Variants in TP53RK observed in about 807,000 individuals in gnomAD.
TP53RK encodes the protein EKC/KEOPS complex subunit TP53RK.
In TP53RK, 17 loss-of-function variants were observed where a neutral mutation model predicts 14.9. That is an observed-to-expected ratio of 1.14 (90% CI 0.78 to 1.71). The LOEUF (loss-of-function observed/expected upper bound fraction) is 1.71, where lower values mean the gene tolerates loss of function less well. Among genes scored for constraint, TP53RK ranks in the 40% most tolerant of loss-of-function variants. The probability of loss-of-function intolerance (pLI) is 0.00; values close to 1 mark genes in which losing one functional copy is unlikely to be tolerated. For synonymous variants in TP53RK, 131 were observed against 138.0 expected, an observed-to-expected ratio of 0.95 and a Z score of 0.36; for missense variants, 343 against 332.0, an observed-to-expected ratio of 1.03 and a Z score of -0.26.
At chr20:46,687,641 C>T (rs901420948) in intron 1 of TP53RK, among the ~76,000 whole-genome samples, 2 of 150,898 alleles carry the variant, frequency 1.3e-5, no homozygotes, top group African/African-American at 5.0e-5. Context: ...ACTAAAAATA[C>T]AAAAATTAGC....
intron 1 of TP53RK, among the ~76,000 whole-genome samples, chr20:46,687,942 T>C (rs960503157): frequency 6.6e-6 from 1 of 152,236 alleles, no homozygotes; most frequent in Admixed American, 6.5e-5. Flanking sequence ...CAGCTGCTTT[T>C]CTTATTAGTT....
chr20:46,687,968 A>T (rs1414705094), intron 1 of TP53RK, among the ~76,000 whole-genome samples: 1 of 152,212 alleles, frequency 6.6e-6, no homozygotes, highest in Admixed American at 6.5e-5. Context: ...ATCTAATCTT[A>T]AAATTACATT....
rs199996058 is a variant in TP53RK at position 46,686,374 on chromosome 20, CAAAAAA to C, written c.*373_*378del. On this transcript the variant is annotated 3_prime_UTR_variant, in exon 2 of 2. Transcript: ENST00000372114. ...AAATATAACATGTACACAACAACAA[CAAAAAA>C]AAACACTGGGTTAGAGGGCCAGTAA... The C allele has an allele frequency of 5.3e-6, 1 of 189,192 alleles. No individual in the cohort carries two copies. Among genetic ancestry groups the C allele is most frequent in the Admixed American group, 5.5e-5 (1 of 18,230 alleles). The allele number at this position is 189,192 out of a possible 1,614,324, so 11.7% of individuals were successfully genotyped here. A position where few individuals can be genotyped will look rare whatever the true frequency, so the allele number is the denominator to read the frequency against.
In TP53RK at chr20:46,686,592, T is replaced by C. The variant is rs1390545753; in HGVS notation, c.*161A>G. The C allele has an allele frequency of 2.4e-5, 16 of 672,172 alleles. No individual in the cohort carries two copies. In the East Asian group the frequency reaches 3.4e-4, roughly 14 times the overall value. The allele number at this position is 672,172 out of a possible 1,614,324, so 41.6% of individuals were successfully genotyped here. On this transcript the variant is annotated 3_prime_UTR_variant, in exon 2 of 2. Transcript: ENST00000372114. ...CTGCCTAGAACATGACTTAGACACA[T>C]AGTAAGCTCTTGAGTGAAGTGCAGA...
rs1370344648 is a variant in TP53RK at position 46,686,464 on chromosome 20, A to G, written c.*289T>C. ...TTGTCTCACAAGGACTAAAAAGAGAATAATGTTCTCATTATGTGGTTCAAT... is the reference window on the plus strand; with the variant it reads ...TTGTCTCACAAGGACTAAAAAGAGAGTAATGTTCTCATTATGTGGTTCAAT... On this transcript the variant is annotated 3_prime_UTR_variant, in exon 2 of 2. Coordinates refer to ENST00000372114, the MANE Select transcript of TP53RK (RefSeq NM_033550.4). The G allele has an allele frequency of 1.1e-5, 4 of 351,676 alleles. No homozygotes were observed. The highest frequency in any genetic ancestry group is 1.6e-5 in the Non-Finnish European group (3 of 191,670). The allele number at this position is 351,676 out of a possible 1,614,324, so 21.8% of individuals were successfully genotyped here.
At position 46,689,323 on chromosome 20, in the gene TP53RK, C is replaced by T; in HGVS notation, c.92G>A (p.Arg31His). 1 of 1,558,942 alleles carries T rather than the reference C, an allele frequency of 6.4e-7. No individual in the cohort carries two copies. The highest frequency in any genetic ancestry group is 8.6e-7 in the Non-Finnish European group (1 of 1,160,706). Residue 31 changes from arginine (R) to histidine (H), a missense_variant, in exon 1 of 2, where the codon CGC (arginine) becomes CAC (histidine). By Grantham distance (29) the Arg-to-His change is conservative (BLOSUM62 0). Coordinates refer to ENST00000372114, the MANE Select transcript of TP53RK (RefSeq NM_033550.4). Reference sequence around the variant, plus strand: ...CACCAGCTCCAGGCCGCTCAAGAAGCGGCTGCTCCGCTCCCGGGCTGCGGC... The same window carrying T: ...CACCAGCTCCAGGCCGCTCAAGAAGTGGCTGCTCCGCTCCCGGGCTGCGGC... ...ALAAARERSS[R>H]FLSGLELVKQ...
Position 46,684,370 on chromosome 20 carries a change from T to G in TP53RK, c.*2383A>C, listed in dbSNP as rs973474685. On this transcript the variant is annotated 3_prime_UTR_variant, in exon 2 of 2. Transcript: ENST00000372114. Reference sequence around the variant, plus strand: ...AAGACATACCCGAGACCGGGTAATTTATAAAGGAAAAGTTTAATAACTCAC... The same window carrying G: ...AAGACATACCCGAGACCGGGTAATTGATAAAGGAAAAGTTTAATAACTCAC... The G allele has an allele frequency of 6.6e-6, 1 of 152,202 alleles. No homozygotes were observed. The highest frequency in any genetic ancestry group is 2.4e-5 in the African/African-American group (1 of 41,426). 9.4% of individuals were successfully genotyped at this position (152,202 alleles called of 1,614,324 possible).
intron 1 of TP53RK, among the ~76,000 whole-genome samples, chr20:46,687,689 G>A (rs1272662952): frequency 1.3e-5 from 2 of 152,176 alleles, no homozygotes; most frequent in Admixed American, 6.5e-5. Flanking sequence ...CCAGCTACTC[G>A]GGAGGCTGAG....
chr20:46,686,673 C>G lies in TP53RK; in HGVS notation c.*80G>C. The G allele has an allele frequency of 8.6e-7, 1 of 1,169,422 alleles. No homozygotes were observed. Among genetic ancestry groups the G allele is most frequent in the Non-Finnish European group, 1.2e-6 (1 of 805,842 alleles). 72.4% of individuals were successfully genotyped at this position (1,169,422 alleles called of 1,614,324 possible). A position where few individuals can be genotyped will look rare whatever the true frequency, so the allele number is the denominator to read the frequency against. On this transcript the variant is annotated 3_prime_UTR_variant, in exon 2 of 2. Coordinates refer to ENST00000372114, the MANE Select transcript of TP53RK (RefSeq NM_033550.4). ...AATATCTTAACACCTTTACTTAGAT[C>G]TCATCTCATACTTGTAGCATTTCTT... is the stretch of plus-strand genomic sequence containing the variant.
chr20:46,686,455 A>G lies in TP53RK; in HGVS notation c.*298T>C. 1 of 314,258 alleles carries G rather than the reference A, an allele frequency of 3.2e-6. No homozygotes were observed. Among genetic ancestry groups the G allele is most frequent in the Non-Finnish European group, 5.9e-6 (1 of 168,900 alleles). 19.5% of individuals were successfully genotyped at this position (314,258 alleles called of 1,614,324 possible). On this transcript the variant is annotated 3_prime_UTR_variant, in exon 2 of 2. Transcript: ENST00000372114. ...ACTTCATCCTTGTCTCACAAGGACT[A>G]AAAAGAGAATAATGTTCTCATTATG...
In TP53RK at chr20:46,684,732, G is replaced by A. The variant is rs1331996908; in HGVS notation, c.*2021C>T. 4.6e-5 allele frequency: 7 copies of A among 152,112 alleles called. No homozygotes were observed. The highest frequency in any genetic ancestry group is 4.6e-4 in the Admixed American group (7 of 15,282). 9.4% of individuals were successfully genotyped at this position (152,112 alleles called of 1,614,324 possible). On this transcript the variant is annotated 3_prime_UTR_variant, in exon 2 of 2. Transcript: ENST00000372114. ...AGCCAACCATACCCCAACAAAGCAG[G>A]TACTAGCCTTATAGTACACGTGAGG...
At position 46,689,159 on chromosome 20, in the gene TP53RK, G is replaced by T; in HGVS notation, c.256C>A (p.Arg86=). The change falls in exon 1 of 2, where the codon CGG becomes AGG. Residue 86 remains arginine (R), a synonymous_variant. Coordinates refer to ENST00000372114, the MANE Select transcript of TP53RK (RefSeq NM_033550.4). ...GCGCGGCGACAGCGGAGGAGCGCCC[G>T]GGCCTCCTGCACCGTCCGCCGTCTG... is the stretch of plus-strand genomic sequence containing the variant. ...LGRRRTVQEA[R]ALLRCRRAGI... 1.4e-6 allele frequency: 2 copies of T among 1,429,342 alleles called. No individual in the cohort carries two copies. Among genetic ancestry groups the T allele is most frequent in the Non-Finnish European group, 1.8e-6 (2 of 1,096,486 alleles). The allele number at this position is 1,429,342 out of a possible 1,614,324, so 88.5% of individuals were successfully genotyped here.
chr20:46,684,733 T>C lies in TP53RK; in HGVS notation c.*2020A>G, dbSNP rs1227921370. 6.6e-6 allele frequency: 1 copy of C among 152,186 alleles called. No individual in the cohort carries two copies. The highest frequency in any genetic ancestry group is 2.4e-5 in the African/African-American group (1 of 41,424). The allele number at this position is 152,186 out of a possible 1,614,324, so 9.4% of individuals were successfully genotyped here. A position where few individuals can be genotyped will look rare whatever the true frequency, so the allele number is the denominator to read the frequency against. Reference sequence around the variant, plus strand: ...GCCAACCATACCCCAACAAAGCAGGTACTAGCCTTATAGTACACGTGAGGA... The same window carrying C: ...GCCAACCATACCCCAACAAAGCAGGCACTAGCCTTATAGTACACGTGAGGA... On this transcript the variant is annotated 3_prime_UTR_variant, in exon 2 of 2. Transcript: ENST00000372114.
chr20:46,689,387 C>A lies in TP53RK; in HGVS notation c.28G>T (p.Ala10Ser), dbSNP rs760896863. 3.2e-6 allele frequency: 5 copies of A among 1,570,402 alleles called. No homozygotes were observed. Among genetic ancestry groups the A allele is most frequent in the African/African-American group, 1.4e-5 (1 of 73,430 alleles). The change falls in exon 1 of 2, where the codon GCC becomes TCC. Residue 10 changes from alanine (A) to serine (S), a missense_variant. Coordinates refer to ENST00000372114, the MANE Select transcript of TP53RK (RefSeq NM_033550.4). ...TCCGGGGCGGGCTCCTCGCCATCGG[C>A]CGGCGTAGTAGCTCTGGCCGCCGCC... MAAARATTP[A>S]DGEEPAPEAE...
chr20:46,689,238 G>A lies in TP53RK; in HGVS notation c.177C>T (p.Ile59=), dbSNP rs779626372. 2 of 1,531,566 alleles carry A rather than the reference G, an allele frequency of 1.3e-6. No homozygotes were observed. The highest frequency in any genetic ancestry group is 1.7e-6 in the Non-Finnish European group (2 of 1,145,850). 94.9% of individuals were successfully genotyped at this position (1,531,566 alleles called of 1,614,324 possible). ...GGTAGCCCTTGGGGAAGCGGTGCTTGATCACCGCCGCGCGGCCCTGGAAGC... is the reference window on the plus strand; with the variant it reads ...GGTAGCCCTTGGGGAAGCGGTGCTTAATCACCGCCGCGCGGCCCTGGAAGC... The part of the protein sequence containing the change: ...RGRFQGRAAV[I]KHRFPKGYRH... The change falls in exon 1 of 2, where the codon ATC becomes ATT. Residue 59 remains isoleucine, a synonymous_variant. Transcript: ENST00000372114.
chr20:46,686,843 G>A lies in TP53RK; in HGVS notation c.672C>T (p.Ser224=). The A allele has an allele frequency of 6.2e-7, 1 of 1,614,198 alleles. No individual in the cohort carries two copies. The highest frequency in any genetic ancestry group is 8.5e-7 in the Non-Finnish European group (1 of 1,180,046). The change falls in exon 2 of 2, where the codon AGC becomes AGT. Residue 224 remains serine, a synonymous_variant. Transcript: ENST00000372114. ...TGGCCTTTTTGGAGGAGGTGGAGTA[G>A]CTCTTCAGAAAGGCTTCAAACACAG... ...TETVFEAFLK[S]YSTSSKKARP... is the part of the protein sequence containing the mutation.
intron 1 of TP53RK, among the ~76,000 whole-genome samples, chr20:46,688,090 G>T (rs1244433247): frequency 6.6e-6 from 1 of 152,192 alleles, no homozygotes; most frequent in Non-Finnish European, 1.5e-5. Flanking sequence ...TAGAAACTGA[G>T]AGATGTTATC....
In TP53RK at chr20:46,686,999, G is replaced by A. The variant is rs894586315; in HGVS notation, c.516C>T (p.Pro172=). The A allele has an allele frequency of 1.1e-5, 18 of 1,614,072 alleles. No individual in the cohort carries two copies. Among genetic ancestry groups the A allele is most frequent in the Admixed American group, 1.7e-5 (1 of 60,002 alleles). The part of the protein sequence containing the change: ...DLTTSNMLLK[P]PLEQLNIVLI... ...GCACAATGTTCAGCTGTTCCAGGGG[G>A]GGTTTCAGGAGCATGTTGGAGGTGG... Residue 172 remains proline, a synonymous_variant, in exon 2 of 2, where the codon CCC becomes CCT. Coordinates refer to ENST00000372114, the MANE Select transcript of TP53RK (RefSeq NM_033550.4).
chr20:46,689,012 C>A, intron 1 of TP53RK, 120 bp downstream of exon 1: 1 of 1,117,086 alleles, frequency 9.0e-7, no homozygotes, highest in South Asian at 2.3e-5. Flanking sequence ...GGCCGGACAC[C>A]GCAGAAGGCA....
Sources: gnomAD v4.1 joint callset for allele counts (sites outside exome capture counted in the v4.1 genomes callset) on GRCh38, gnomAD v4.1.1 for gene constraint, MANE v1.5 for transcripts, NCBI Gene and HGNC (gene_info 2026-07-23, HGNC 2026-07-21) for gene names.